LMF1: variants seen among roughly 807,000 people sequenced by gnomAD.
The protein encoded by LMF1 is lipase maturation factor 1.
Under a neutral mutation model 60.6 loss-of-function variants are expected in LMF1, and 68 were observed. That is an observed-to-expected ratio of 1.12 (90% CI 0.92 to 1.37). The LOEUF (loss-of-function observed/expected upper bound fraction) is 1.37, where lower values mean the gene tolerates loss of function less well. LMF1 is among the 40% of genes most tolerant of loss of function. LMF1 has a pLI of 0.00. For missense variants in LMF1, 948 were observed against 767.2 expected (o/e 1.24, Z -2.78); for synonymous variants, 418 against 324.7 (o/e 1.29, Z -3.09).
rs1260356673 is a variant in LMF1 at position 897,343 on chromosome 16, T to C, written c.664-4271A>G. On this transcript the variant is annotated intron_variant, in intron 4 of 10. Transcript: ENST00000262301. This position sits in a 1 kb window ranked among gnomAD's most constrained non-coding sequence, Gnocchi z 4.3. ...CCCCTGTGTACCCTTGCACAGTGGC[T>C]CAGGACAGACCCCCAGCCCCTACAG... Among the ~76,000 whole-genome samples the C allele has an allele frequency of 6.6e-6, 1 of 152,162 alleles. No individual in the cohort carries two copies. Among genetic ancestry groups the C allele is most frequent in the Non-Finnish European group, 1.5e-5 (1 of 68,038 alleles).
intron 3 of LMF1, among the ~76,000 whole-genome samples, chr16:924,737 A>G (rs1041569284): frequency 6.6e-6 from 1 of 152,252 alleles, no homozygotes; most frequent in African/African-American, 2.4e-5. Context: ...ACTGGAAATG[A>G]TAAACCACTT....
chr16:964,000 C>T (rs975788864), intron 1 of LMF1: 1 of 455,706 alleles, frequency 2.2e-6, no homozygotes, highest in East Asian at 6.9e-5. Flanking sequence ...CGGGAGGCAG[C>T]AGAGCCATGG....
intron 1 of LMF1, 119 bp downstream of exon 1, chr16:970,669 G>A (rs1168892669): frequency 1.9e-5 from 18 of 927,890 alleles, no homozygotes; most frequent in Non-Finnish European, 2.5e-5. Context: ...CCAGCAGGAA[G>A]GAGGGCTGCG....
chr16:891,051 C>G (rs368706773), intron 5 of LMF1, among the ~76,000 whole-genome samples: 1 of 152,244 alleles, frequency 6.6e-6, no homozygotes, highest in African/African-American at 2.4e-5. Context: ...GAGGGGCAGT[C>G]CTGGGCCTTT....
chr16:883,119 G>A (rs1221649642), intron 5 of LMF1, among the ~76,000 whole-genome samples: 2 of 150,460 alleles, frequency 1.3e-5, no homozygotes, highest in African/African-American at 4.9e-5. Context: ...ACCCAGCGGA[G>A]CCCATTGCAG....
At chr16:922,035 G>A (rs1257766708) in intron 3 of LMF1, among the ~76,000 whole-genome samples, 1 of 152,176 alleles carries the variant, frequency 6.6e-6, no homozygotes, top group East Asian at 1.9e-4. Context: ...CACAGCTGAG[G>A]AGTAAGGGGA....
intron 10 of LMF1, among the ~76,000 whole-genome samples, chr16:864,260 T>C (rs1472668686): frequency 6.6e-6 from 1 of 152,302 alleles, no homozygotes; most frequent in South Asian, 2.1e-4. Context: ...TTTTCATTAA[T>C]AGTCACATAT....
intron 3 of LMF1, among the ~76,000 whole-genome samples, chr16:916,182 T>C (rs1252185669): frequency 6.6e-6 from 1 of 152,192 alleles, no homozygotes; most frequent in African/African-American, 2.4e-5. Context: ...TGAGGCCTCA[T>C]TAACTCTGTG....
chr16:908,942 C>G (rs1335388336), intron 4 of LMF1, among the ~76,000 whole-genome samples: 2 of 152,164 alleles, frequency 1.3e-5, no homozygotes, highest in Non-Finnish European at 2.9e-5. Context: ...GCTGGAGGCT[C>G]CCTGCCTGGG....
rs148734358 is a variant in LMF1, at chr16:870,009, G to T, written c.1290C>A (p.Ser430Arg). The change falls in exon 9 of 11, where the codon AGC (serine) becomes AGA (arginine). Residue 430 changes from serine (S) to arginine (R), a missense_variant. Transcript: ENST00000262301. ...ILQGTASSNA[S>R]APDAMWEDYE... Reference sequence around the variant, plus strand: ...AGTCCTCCCACATGGCATCGGGGGCGCTGGCGTTGGAGCTGGCTGTGCCCT... The same window carrying T: ...AGTCCTCCCACATGGCATCGGGGGCTCTGGCGTTGGAGCTGGCTGTGCCCT... 22 of 1,612,698 alleles carry T rather than the reference G, an allele frequency of 1.4e-5. No individual in the cohort carries two copies. The highest frequency in any genetic ancestry group is 1.9e-5 in the Non-Finnish European group (22 of 1,179,834).
intron 3 of LMF1, among the ~76,000 whole-genome samples, chr16:927,160 T>C (rs8056644): frequency 0.43 from 65,082 of 152,116 alleles, 15,274 homozygotes; most frequent in African/African-American, 0.62. Flanking sequence ...TGGCAGAAGC[T>C]GCTCAAGAGC....
intron 2 of LMF1, chr16:947,588 G>C (rs769237282): frequency 2.2e-6 from 1 of 456,000 alleles, no homozygotes; most frequent in Non-Finnish European, 4.4e-6. Context: ...TCCCGCCACA[G>C]GAAGGAGGAC....
At chr16:947,382 C>A in intron 2 of LMF1, 1 of 425,738 alleles carries the variant, frequency 2.3e-6, no homozygotes, top group Admixed American at 2.5e-5. Flanking sequence ...GTTGCAGGTA[C>A]TTGTGGAACC....
intron 1 of LMF1, among the ~76,000 whole-genome samples, chr16:963,610 G>A (rs1216992451): frequency 6.6e-6 from 1 of 152,126 alleles, no homozygotes; most frequent in Non-Finnish European, 1.5e-5. Context: ...GCACACTCCA[G>A]GGCCCAGCCT....
At position 936,846 on chromosome 16, in the gene LMF1, T is replaced by C. The variant is rs774311965; in HGVS notation, c.504-2592A>G. Among the ~76,000 whole-genome samples the C allele has an allele frequency of 2.6e-5, 4 of 152,208 alleles. No homozygotes were observed. In the East Asian group the frequency reaches 7.7e-4, roughly 29 times the overall value. On this transcript the variant is annotated intron_variant, in intron 2 of 10. Transcript: ENST00000262301. ...AGCCAGGTGTGGTGGCGCACACCTG[T>C]AGTCCCAGTGACCTTGGGGCCGAGG...
intron 3 of LMF1, among the ~76,000 whole-genome samples, chr16:917,163 T>C (rs753862384): frequency 1.3e-5 from 2 of 152,196 alleles, no homozygotes; most frequent in African/African-American, 2.4e-5. Context: ...GCCACTCTCA[T>C]GCCGGTACCA....
intron 5 of LMF1, 104 bp downstream of exon 5, chr16:892,903 G>A (rs2070531840): frequency 1.2e-6 from 1 of 856,636 alleles, no homozygotes; most frequent in African/African-American, 1.7e-5. Context: ...GTGACCCTGT[G>A]ATGCGACAGC....
At chr16:918,850 C>G (rs1367167919) in intron 3 of LMF1, among the ~76,000 whole-genome samples, 1 of 148,646 alleles carries the variant, frequency 6.7e-6, no homozygotes, top group Non-Finnish European at 1.5e-5. Context: ...CGGGGCGCAC[C>G]CCGACTCTCA....
chr16:871,030 C>T, intron 7 of LMF1, 131 bp downstream of exon 7: 2 of 1,392,502 alleles, frequency 1.4e-6, no homozygotes, highest in Non-Finnish European at 1.9e-6. Context: ...TTGTTCCTGG[C>T]ACGCTACACT....
Sources: allele counts gnomAD v4.1 joint callset (sites outside exome capture counted in the v4.1 genomes callset), GRCh38; gene constraint gnomAD v4.1.1; non-coding constraint Gnocchi (gnomAD v3.1); transcripts MANE v1.5; gene names NCBI Gene and HGNC (gene_info 2026-07-23, HGNC 2026-07-21).